SLC16A12: variants seen among roughly 807,000 people sequenced by gnomAD.
SLC16A12 encodes monocarboxylate transporter 12.
SLC16A12 carries 17 observed loss-of-function variants against 42.4 expected under a neutral mutation model. That is an observed-to-expected ratio of 0.40 (90% CI 0.27 to 0.60). The LOEUF is 0.60. Among genes scored for constraint, SLC16A12 ranks in the 20% least tolerant of loss-of-function variants. The pLI is 0.42. For missense variants in SLC16A12, 544 were observed against 623.0 expected (o/e 0.87, Z 1.35); for synonymous variants, 224 against 229.4 (o/e 0.98, Z 0.21).
intron 2 of SLC16A12, among the ~76,000 whole-genome samples, chr10:89,532,236 C>T (rs540951393): frequency 1.8e-4 from 27 of 152,150 alleles, no homozygotes; most frequent in African/African-American, 6.5e-4. Context: ...CTCGTCAATG[C>T]GCGGTAAATG....
chr10:89,530,486 T>C (rs1035730831), intron 2 of SLC16A12, among the ~76,000 whole-genome samples: 29 of 152,016 alleles, frequency 1.9e-4, no homozygotes, highest in South Asian at 4.2e-4. Context: ...GGCGGGATCT[T>C]GGCTCACTGC....
chr10:89,531,463 G>T (rs10785885), intron 2 of SLC16A12, among the ~76,000 whole-genome samples: 1 of 151,946 alleles, frequency 6.6e-6, no homozygotes, highest in Non-Finnish European at 1.5e-5. Context: ...ACCAAACACC[G>T]CTGTAAGCAT....
At chr10:89,519,283 T>C (rs537530037) in intron 2 of SLC16A12, among the ~76,000 whole-genome samples, 2 of 114,230 alleles carry the variant, frequency 1.8e-5, no homozygotes, top group African/African-American at 2.9e-5. Context: ...TCCTCACTGC[T>C]GGGTGAATCA....
chr10:89,518,195 C>T (rs1248415003), intron 2 of SLC16A12, among the ~76,000 whole-genome samples: 1 of 152,188 alleles, frequency 6.6e-6, no homozygotes, highest in Non-Finnish European at 1.5e-5. Flanking sequence ...GAGCTCTGTT[C>T]TCTGCTTGGG....
At chr10:89,552,691 G>A (rs1368089154) in intron 2 of SLC16A12, among the ~76,000 whole-genome samples, 3 of 152,302 alleles carry the variant, frequency 2.0e-5, no homozygotes, top group South Asian at 4.1e-4. Context: ...CAGGAAGTAA[G>A]TTGGGAGTAT....
chr10:89,474,966 T>C (rs1420402089), intron 2 of SLC16A12, among the ~76,000 whole-genome samples: 2 of 152,216 alleles, frequency 1.3e-5, no homozygotes, highest in African/African-American at 4.8e-5. Flanking sequence ...TGCGTCTTGG[T>C]AGAAGCCATA....
rs377556730 is a variant in SLC16A12 at position 89,492,030 on chromosome 10, A to G, written c.-46-29406T>C. ...ATAGATTATGGAAAAGTTTAGATCA[A>G]TTCATGGATAATATCAAAATAAGTT... On this transcript the variant is annotated intron_variant, in intron 2 of 7. Coordinates refer to ENST00000371790, the MANE Select transcript of SLC16A12 (RefSeq NM_213606.4). 5.9e-5 allele frequency among the ~76,000 whole-genome samples: 9 copies of G among 152,340 alleles called. No homozygotes were observed. The South Asian group carries it at 1.7e-3, about 28-fold the overall frequency.
At chr10:89,441,975 G>A (rs1331702478) in intron 4 of SLC16A12, among the ~76,000 whole-genome samples, 1 of 152,192 alleles carries the variant, frequency 6.6e-6, no homozygotes, top group Non-Finnish European at 1.5e-5. Flanking sequence ...CTAACACCGA[G>A]TGTGAGGTTA....
intron 4 of SLC16A12, among the ~76,000 whole-genome samples, chr10:89,443,022 G>C (rs1336434374): frequency 6.6e-6 from 1 of 152,152 alleles, no homozygotes; most frequent in South Asian, 2.1e-4. Context: ...TTAATAACGT[G>C]AGTTTGAAAT....
chr10:89,512,796 ACCCAAGAGGGGG>A (rs1187169577), intron 2 of SLC16A12, among the ~76,000 whole-genome samples: 3 of 152,156 alleles, frequency 2.0e-5, no homozygotes, highest in Non-Finnish European at 2.9e-5. Context: ...AAAAGATCGA[ACCCAAGAGGGGG>A]TTGGAACCTC....
chr10:89,432,215 G>A lies in SLC16A12; in HGVS notation c.*849C>T, dbSNP rs1269864668. On this transcript the variant is annotated 3_prime_UTR_variant, in exon 8 of 8. Coordinates refer to ENST00000371790, the MANE Select transcript of SLC16A12 (RefSeq NM_213606.4). ...AGTTTTGGTGTTGTTGACATTTCAG[G>A]TAAGATTGAGAGGTTGTCCTTGTGA... is the stretch of plus-strand genomic sequence containing the variant. The A allele has an allele frequency of 6.6e-6, 1 of 152,588 alleles. No individual in the cohort carries two copies. The highest frequency in any genetic ancestry group is 2.4e-5 in the African/African-American group (1 of 41,446). 9.5% of individuals were successfully genotyped at this position (152,588 alleles called of 1,614,324 possible). A position where few individuals can be genotyped will look rare whatever the true frequency, so the allele number is the denominator to read the frequency against.
chr10:89,491,852 A>T (rs964857771), intron 2 of SLC16A12, among the ~76,000 whole-genome samples: 2 of 152,220 alleles, frequency 1.3e-5, no homozygotes, highest in African/African-American at 4.8e-5. Flanking sequence ...AAGGGAAAGT[A>T]GAAGTCGAAA....
chr10:89,540,421 C>T (rs1843708314), upstream of SLC16A12, among the ~76,000 whole-genome samples: 1 of 152,088 alleles, frequency 6.6e-6, no homozygotes, highest in Non-Finnish European at 1.5e-5. Context: ...TCTTTATCAT[C>T]TTTTTTTGTT....
chr10:89,440,082 A>AAC (rs1841881556), intron 5 of SLC16A12, among the ~76,000 whole-genome samples: 1 of 150,764 alleles, frequency 6.6e-6, no homozygotes, highest in Non-Finnish European at 1.5e-5. Flanking sequence ...TCAAAAAAAA[A>AAC]AAAAAAAAAA....
At chr10:89,487,809 C>CAA (rs71022569) in intron 2 of SLC16A12, among the ~76,000 whole-genome samples, 28,326 of 83,800 alleles carry the variant, frequency 0.34, 5,452 homozygotes, top group Non-Finnish European at 0.4. Context: ...GATTCTGTCT[C>CAA]AAAAAAAAAA....
intron 2 of SLC16A12, among the ~76,000 whole-genome samples, chr10:89,521,330 T>G (rs2133855035): frequency 6.6e-6 from 1 of 152,340 alleles, no homozygotes; most frequent in South Asian, 2.1e-4. Context: ...GCATGGCACT[T>G]ATGGATCAGA....
intron 2 of SLC16A12, among the ~76,000 whole-genome samples, chr10:89,542,196 A>T (rs891219684): frequency 6.6e-6 from 1 of 152,334 alleles, no homozygotes; most frequent in Non-Finnish European, 1.5e-5. Flanking sequence ...TTACAAAAAT[A>T]TTCAATTTAG....
chr10:89,447,824 G>A (rs1302144060), intron 3 of SLC16A12, among the ~76,000 whole-genome samples: 1 of 152,048 alleles, frequency 6.6e-6, no homozygotes, highest in Non-Finnish European at 1.5e-5. Context: ...TCAGGAGCTG[G>A]TTTTTTGAAA....
intron 2 of SLC16A12, among the ~76,000 whole-genome samples, chr10:89,513,853 G>T (rs934935567): frequency 1.3e-5 from 2 of 152,176 alleles, no homozygotes; most frequent in African/African-American, 4.8e-5. Context: ...CCTATATTTT[G>T]TTGGTTGCTC....
Sources: allele counts gnomAD v4.1 joint callset (sites outside exome capture counted in the v4.1 genomes callset), GRCh38; gene constraint gnomAD v4.1.1; transcripts MANE v1.5; gene names NCBI Gene and HGNC (gene_info 2026-07-23, HGNC 2026-07-21).